Variants in DCTN3 observed in about 807,000 individuals in gnomAD.
DCTN3 encodes dynactin subunit 3, also known as dynactin 3 (p22).
Under a neutral mutation model 28.4 loss-of-function variants are expected in DCTN3, and 25 were observed. That is an observed-to-expected ratio of 0.88 (90% CI 0.64 to 1.23). The LOEUF is 1.23. Ranked by LOEUF, DCTN3 falls within the 50% of genes most tolerant of loss-of-function variation. The pLI is 0.00. For missense variants in DCTN3, 229 were observed against 232.0 expected, an observed-to-expected ratio of 0.99 and a Z score of 0.08; for synonymous variants, 81 against 91.4, an observed-to-expected ratio of 0.89 and a Z score of 0.65.
chr9:34,620,438 C>A lies in DCTN3; in HGVS notation c.27G>T (p.Arg9=), dbSNP rs908947675. The change falls in exon 1 of 7, where the codon CGG becomes CGT. Residue 9 remains arginine, a synonymous_variant. Coordinates refer to ENST00000259632, the MANE Select transcript of DCTN3 (RefSeq NM_007234.5). MAGLTDLQ[R]LQARVEELER... ...CCAGCTCTTCCACTCGGGCCTGTAG[C>A]CGCTGCAAGTCAGTCAGACCCGCCA... is the stretch of plus-strand genomic sequence containing the variant. 1.3e-6 allele frequency: 2 copies of A among 1,556,918 alleles called. No individual in the cohort carries two copies. The highest frequency in any genetic ancestry group is 3.9e-5 in the Admixed American group (2 of 51,652).
At chr9:34,620,327 TTGCTC>T (rs1251684232) in intron 1 of DCTN3, 37 bp downstream of exon 1, 57 of 1,584,246 alleles carry the variant, frequency 3.6e-5, no homozygotes, top group Non-Finnish European at 4.2e-5. Flanking sequence ...TGGACCGCTC[TTGCTC>T]TGCTCCAGAA....
In DCTN3 at chr9:34,614,725, G is replaced by A. The variant is rs943233625; in HGVS notation, c.396C>T (p.Ile132=). Residue 132 remains isoleucine, a synonymous_variant, in exon 5 of 7, where the codon ATC becomes ATT. Coordinates refer to ENST00000259632, the MANE Select transcript of DCTN3 (RefSeq NM_007234.5). Reference sequence around the variant, plus strand: ...CCTCCCATACCTGCTGCTGAATGTGGATCTGGGCCAAGCGCTGCAGGCGGG... The same window carrying A: ...CCTCCCATACCTGCTGCTGAATGTGAATCTGGGCCAAGCGCTGCAGGCGGG... ...HAARLQRLAQ[I]HIQQQDQCVE... 6.2e-7 allele frequency: 1 copy of A among 1,614,104 alleles called. No individual in the cohort carries two copies. The highest frequency in any genetic ancestry group is 8.5e-7 in the Non-Finnish European group (1 of 1,180,042).
intron 2 of DCTN3, 143 bp from the exon 3 acceptor site, chr9:34,618,114 AC>A: frequency 1.4e-6 from 1 of 722,426 alleles, no homozygotes; most frequent in Non-Finnish European, 2.2e-6. Context: ...GCAGGGCTCC[AC>A]CAGGCTCCCT....
At chr9:34,620,071 G>T (rs1820517409) in intron 1 of DCTN3, among the ~76,000 whole-genome samples, 1 of 152,150 alleles carries the variant, frequency 6.6e-6, no homozygotes, top group African/African-American at 2.4e-5. Flanking sequence ...AGCTCTTATT[G>T]AAACTCTCAT....
intron 3 of DCTN3, among the ~76,000 whole-genome samples, chr9:34,617,190 T>C (rs1270521519): frequency 1.3e-5 from 2 of 152,122 alleles, no homozygotes; most frequent in Non-Finnish European, 2.9e-5. Flanking sequence ...CAGTGCTGCA[T>C]TGCACTGATC....
At chr9:34,619,371 T>C (rs1341288208) in intron 1 of DCTN3, among the ~76,000 whole-genome samples, 1 of 152,216 alleles carries the variant, frequency 6.6e-6, no homozygotes, top group African/African-American at 2.4e-5. Context: ...ACCAGAGATA[T>C]ACATTTGAGA....
Position 34,613,846 on chromosome 9 carries a change from A to T in DCTN3, c.497T>A (p.Val166Glu). The change falls in exon 7 of 7, where the codon GTG becomes GAG. Residue 166 changes from valine (V) to glutamate (E), a missense_variant. Physicochemically the swap from Val to Glu is moderately radical, Grantham distance 121. Coordinates refer to ENST00000259632, the MANE Select transcript of DCTN3 (RefSeq NM_007234.5). ...KTTMLLSKQF[V>E]QWDELLCQLE... ...CTGGCAAAGTAGCTCATCCCACTGC[A>T]CGAATTGCTTGGAGAGAAGCATTGT... 6.2e-7 allele frequency: 1 copy of T among 1,614,188 alleles called. No homozygotes were observed. Among genetic ancestry groups the T allele is most frequent in the Non-Finnish European group, 8.5e-7 (1 of 1,180,022 alleles).
Position 34,617,904 on chromosome 9 carries a change from C to T in DCTN3, c.249G>A (p.Lys83=), listed in dbSNP as rs768088472. ...IDRIAIPDAS[K]LQFILAEEQF... Reference sequence around the variant, plus strand: ...CATTACCTGCTAGGATGAATTGCAGCTTAGAGGCATCAGGTATGGCAATGC... The same window carrying T: ...CATTACCTGCTAGGATGAATTGCAGTTTAGAGGCATCAGGTATGGCAATGC... The change falls in exon 3 of 7, where the codon AAG becomes AAA. Residue 83 remains lysine, a synonymous_variant. Transcript: ENST00000259632. The T allele has an allele frequency of 6.2e-7, 1 of 1,613,948 alleles. No homozygotes were observed. Among genetic ancestry groups the T allele is most frequent in the South Asian group, 1.1e-5 (1 of 91,082 alleles).
chr9:34,617,981 T>C lies in DCTN3; in HGVS notation c.182-10A>G, dbSNP rs772747146. The C allele has an allele frequency of 6.2e-6, 10 of 1,611,672 alleles. No individual in the cohort carries two copies. Among genetic ancestry groups the C allele is most frequent in the South Asian group, 2.2e-5 (2 of 90,992 alleles). ...TTGATCAGATCTTCAACTAGAAAAG[T>C]AGCAAGATGGAAAATGGAATAGGGT... On this transcript the variant is annotated splice_polypyrimidine_tract_variant and intron_variant, in intron 2 of 6. Transcript: ENST00000259632.
At chr9:34,620,131 G>C (rs1820519486) in intron 1 of DCTN3, among the ~76,000 whole-genome samples, 1 of 152,208 alleles carries the variant, frequency 6.6e-6, no homozygotes, top group South Asian at 2.1e-4. Context: ...GCGAGGGCAA[G>C]GGCGGAGTCT....
chr9:34,614,660 A>G (rs919963264), intron 5 of DCTN3, 50 bp downstream of exon 5: 7 of 1,606,112 alleles, frequency 4.4e-6, no homozygotes, highest in Non-Finnish European at 6.0e-6. Flanking sequence ...AGTTGGGATG[A>G]GGTGCTGCGC....
chr9:34,617,055 C>T (rs1322526955), intron 3 of DCTN3, among the ~76,000 whole-genome samples: 1 of 152,170 alleles, frequency 6.6e-6, no homozygotes, highest in Non-Finnish European at 1.5e-5. Flanking sequence ...GATGGAGAGG[C>T]TGGACTCAAG....
intron 6 of DCTN3, 33 bp downstream of exon 6, chr9:34,614,009 C>T (rs779805494): frequency 2.5e-6 from 4 of 1,604,602 alleles, no homozygotes; most frequent in Admixed American, 3.4e-5. Context: ...AGGGACAGCA[C>T]CCATTAGGGT....
intron 1 of DCTN3, 47 bp downstream of exon 1, chr9:34,620,322 C>T (rs112093827): frequency 1.2e-5 from 19 of 1,557,688 alleles, no homozygotes; most frequent in Non-Finnish European, 1.7e-5. Flanking sequence ...GACAGTGGAC[C>T]GCTCTTGCTC....
At chr9:34,614,831 T>A in intron 4 of DCTN3, 63 bp from the exon 5 acceptor site, 1 of 1,586,108 alleles carries the variant, frequency 6.3e-7, no homozygotes, top group Non-Finnish European at 8.6e-7. Flanking sequence ...TGCTCAATAG[T>A]CTATTAGGTC....
chr9:34,614,815 C>G, intron 4 of DCTN3, 47 bp from the exon 5 acceptor site: 9 of 1,608,346 alleles, frequency 5.6e-6, no homozygotes, highest in Non-Finnish European at 6.8e-6. Context: ...TGCCCTCCCC[C>G]GGGACTGCTC....
At chr9:34,614,327 TA>T in intron 5 of DCTN3, 2 of 899,350 alleles carry the variant, frequency 2.2e-6, no homozygotes, top group East Asian at 5.2e-5. Flanking sequence ...ATACATTAAG[TA>T]AACATTCCCC....
At chr9:34,615,168 G>C (rs1820394714) in intron 4 of DCTN3, 1 of 179,990 alleles carries the variant, frequency 5.6e-6, no homozygotes, top group Admixed American at 6.2e-5. Context: ...AGGTCCCTAA[G>C]CTGGAATCCA....
chr9:34,619,815 T>G (rs929009881), intron 1 of DCTN3, among the ~76,000 whole-genome samples: 2 of 152,196 alleles, frequency 1.3e-5, no homozygotes, highest in African/African-American at 2.4e-5. Flanking sequence ...AGAGGGCACC[T>G]GAGCTTCGTA....
Sources: allele counts gnomAD v4.1 joint callset (sites outside exome capture counted in the v4.1 genomes callset), GRCh38; gene constraint gnomAD v4.1.1; transcripts MANE v1.5; gene names NCBI Gene and HGNC (gene_info 2026-07-23, HGNC 2026-07-21).